FAM162A: variants seen among roughly 807,000 people sequenced by gnomAD.
FAM162A encodes protein FAM162A.
A neutral mutation model predicts 21.8 loss-of-function variants in FAM162A; 23 were observed. The observed-to-expected ratio is 1.05, with a 90% CI of 0.76 to 1.49. The LOEUF (loss-of-function observed/expected upper bound fraction) is 1.49. Among genes scored for constraint, FAM162A ranks in the 40% most tolerant of loss-of-function variants. FAM162A has a pLI of 0.00. For missense variants in FAM162A, 165 were observed against 186.4 expected (o/e 0.89, Z 0.67); for synonymous variants, 53 against 61.3 (o/e 0.86, Z 0.64).
chr3:122,386,577 AAAG>A (rs752147407), intron 1 of FAM162A, among the ~76,000 whole-genome samples: 6 of 151,998 alleles, frequency 3.9e-5, no homozygotes, highest in Non-Finnish European at 7.4e-5. Context: ...AAAAAAAAGA[AAAG>A]AAGCATAATC....
At chr3:122,399,161 C>G (rs1238962393) in intron 1 of FAM162A, among the ~76,000 whole-genome samples, 1 of 152,102 alleles carries the variant, frequency 6.6e-6, no homozygotes, top group Non-Finnish European at 1.5e-5. Context: ...TTAGCTCCCA[C>G]TTATTAATGA....
chr3:122,409,306 G>T (rs548024390), intron 4 of FAM162A, among the ~76,000 whole-genome samples: 1 of 152,192 alleles, frequency 6.6e-6, no homozygotes, highest in South Asian at 2.1e-4. Flanking sequence ...TGGTAAAAGA[G>T]AAGTGAGGAA....
At chr3:122,388,109 A>G (rs1277877512) in intron 1 of FAM162A, among the ~76,000 whole-genome samples, 1 of 152,232 alleles carries the variant, frequency 6.6e-6, no homozygotes, top group Non-Finnish European at 1.5e-5. Flanking sequence ...GCAACTACAT[A>G]CCAGTTGAAT....
At chr3:122,391,266 C>G (rs1208244191) in intron 1 of FAM162A, among the ~76,000 whole-genome samples, 1 of 152,194 alleles carries the variant, frequency 6.6e-6, no homozygotes, top group East Asian at 1.9e-4. Context: ...GATCTCAGCT[C>G]TCTGCAACCT....
chr3:122,394,362 A>G (rs2075617907), intron 1 of FAM162A, among the ~76,000 whole-genome samples: 1 of 152,204 alleles, frequency 6.6e-6, no homozygotes, highest in Admixed American at 6.5e-5. Context: ...GGTAGAAGAC[A>G]TGCCCCAACA....
chr3:122,401,438 G>A, intron 1 of FAM162A: 2 of 1,144,580 alleles, frequency 1.7e-6, no homozygotes, highest in Non-Finnish European at 2.2e-6. Flanking sequence ...CAGGGAGAGA[G>A]ATCAGGCTTG....
chr3:122,398,206 G>A (rs1417675243), intron 1 of FAM162A, among the ~76,000 whole-genome samples: 1 of 152,042 alleles, frequency 6.6e-6, no homozygotes, highest in Non-Finnish European at 1.5e-5. Context: ...TATGCCTTAA[G>A]ATAACCAAAT....
At chr3:122,398,569 C>G (rs2075639637) in intron 1 of FAM162A, among the ~76,000 whole-genome samples, 1 of 152,086 alleles carries the variant, frequency 6.6e-6, no homozygotes, top group Admixed American at 6.5e-5. Context: ...TAAGCAAAAT[C>G]TAAAATTGAG....
At chr3:122,409,171 G>A (rs750370506) in intron 4 of FAM162A, among the ~76,000 whole-genome samples, 3 of 152,140 alleles carry the variant, frequency 2.0e-5, no homozygotes, top group African/African-American at 4.8e-5. Flanking sequence ...TTTACATGGA[G>A]GGAAACAAGG....
chr3:122,409,675 C>G (rs968309129), intron 4 of FAM162A, 64 bp from the exon 5 acceptor site: 36 of 1,420,930 alleles, frequency 2.5e-5, no homozygotes, highest in Non-Finnish European at 3.4e-5. Flanking sequence ...GTCATCAGTG[C>G]AAGGTAAAGA....
chr3:122,406,541 A>T (rs1418216320), intron 3 of FAM162A, among the ~76,000 whole-genome samples: 3 of 152,206 alleles, frequency 2.0e-5, no homozygotes, highest in Non-Finnish European at 2.9e-5. Flanking sequence ...TTTAAGGCAC[A>T]TGGGTCTGTA....
chr3:122,388,921 C>T (rs2075586812), intron 1 of FAM162A, among the ~76,000 whole-genome samples: 1 of 151,942 alleles, frequency 6.6e-6, no homozygotes, highest in Non-Finnish European at 1.5e-5. Context: ...TGGTGGTGGG[C>T]GCCTGTAGTC....
rs1232100455 is a variant in FAM162A, at chr3:122,412,198, G to A, written c.*2367G>A. ...CCTTGTTGCTTTCAGTTAAATTATT[G>A]TGCTATTTTTTGCTTAATTTCTAGG... On this transcript the variant is annotated 3_prime_UTR_variant, in exon 5 of 5. Transcript: ENST00000477892. 1.3e-5 allele frequency: 2 copies of A among 152,066 alleles called. No homozygotes were observed. The highest frequency in any genetic ancestry group is 3.9e-4 in the East Asian group (2 of 5,188). 9.4% of individuals were successfully genotyped at this position (152,066 alleles called of 1,614,324 possible). A position where few individuals can be genotyped will look rare whatever the true frequency, so the allele number is the denominator to read the frequency against.
intron 1 of FAM162A, among the ~76,000 whole-genome samples, chr3:122,384,627 C>T (rs1422193218): frequency 6.6e-6 from 1 of 152,064 alleles, no homozygotes; most frequent in Admixed American, 6.6e-5. Flanking sequence ...CCTAGACCTC[C>T]CCTTTACCCA....
intron 1 of FAM162A, chr3:122,401,499 A>G: frequency 1.6e-6 from 2 of 1,260,514 alleles, no homozygotes; most frequent in South Asian, 2.7e-5. Context: ...CAAAGATTTA[A>G]GTATCTTATA....
chr3:122,400,370 A>G (rs1161362288), intron 1 of FAM162A, among the ~76,000 whole-genome samples: 1 of 140,472 alleles, frequency 7.1e-6, no homozygotes, highest in African/African-American at 3.0e-5. Context: ...AGGGCCTGTC[A>G]GGGGGTGGGG....
Position 122,407,397 on chromosome 3 carries a change from G to C in FAM162A, c.372+8G>C. 5 of 1,605,854 alleles carry C rather than the reference G, an allele frequency of 3.1e-6. No homozygotes were observed. The highest frequency in any genetic ancestry group is 1.1e-5 in the South Asian group (1 of 90,916). On this transcript the variant is annotated splice_region_variant and intron_variant, in intron 4 of 4. Coordinates refer to ENST00000477892, the MANE Select transcript of FAM162A (RefSeq NM_014367.4). Reference sequence around the variant, plus strand: ...GTTATTGAGGGCAAGAAGGTGAGAAGGGGTTTCTTCTCTATCCAGTATGTA... The same window carrying C: ...GTTATTGAGGGCAAGAAGGTGAGAACGGGTTTCTTCTCTATCCAGTATGTA...
At position 122,388,311 on chromosome 3, in the gene FAM162A, A is replaced by G. The variant is rs2075583732; in HGVS notation, c.34+4012A>G. On this transcript the variant is annotated intron_variant, in intron 1 of 4. Coordinates refer to ENST00000477892, the MANE Select transcript of FAM162A (RefSeq NM_014367.4). ...ATTGTCAGAAATAAGAAAGTTGGAA[A>G]AATAATCAGAAACGCCATCAAAGAT... 2.0e-5 allele frequency among the ~76,000 whole-genome samples: 3 copies of G among 152,354 alleles called. No homozygotes were observed. The South Asian group carries it at 6.2e-4, about 32-fold the overall frequency.
At chr3:122,408,207 T>A (rs2075685650) in intron 4 of FAM162A, among the ~76,000 whole-genome samples, 1 of 152,114 alleles carries the variant, frequency 6.6e-6, no homozygotes. Flanking sequence ...AGGTAAATAG[T>A]TTTCCCAAAC....
Sources: allele counts gnomAD v4.1 joint callset (sites outside exome capture counted in the v4.1 genomes callset), GRCh38; gene constraint gnomAD v4.1.1; transcripts MANE v1.5; gene names NCBI Gene and HGNC (gene_info 2026-07-23, HGNC 2026-07-21).